Variants in TBC1D4 observed in about 807,000 individuals in gnomAD.
The protein encoded by TBC1D4 is TBC1 domain family member 4.
Under a neutral mutation model 142.5 loss-of-function variants are expected in TBC1D4, and 121 were observed. The ratio of observed to expected loss-of-function variants is 0.85; its 90% CI spans 0.73 to 0.99. TBC1D4 has a LOEUF of 0.99. Among genes scored for constraint, TBC1D4 ranks in the 50% least tolerant of loss-of-function variants. TBC1D4 has a pLI of 0.00. For missense variants in TBC1D4, 1,475 were observed against 1,606.6 expected (o/e 0.92, Z 1.40); for synonymous variants, 630 against 628.2 (o/e 1.00, Z -0.04).
chr13:75,401,676 T>C (rs1290638920), intron 1 of TBC1D4, among the ~76,000 whole-genome samples: 2 of 152,236 alleles, frequency 1.3e-5, no homozygotes, highest in Non-Finnish European at 2.9e-5. Context: ...AGGTTTATTC[T>C]CCAGATAATG....
chr13:75,409,271 T>G (rs949840220), intron 1 of TBC1D4, among the ~76,000 whole-genome samples: 1 of 152,178 alleles, frequency 6.6e-6, no homozygotes, highest in Admixed American at 6.5e-5. Context: ...AATTGGCAAA[T>G]TTTTCCTTTT....
At chr13:75,321,441 G>GTATATATA (rs57754032) in intron 11 of TBC1D4, among the ~76,000 whole-genome samples, 5 of 151,242 alleles carry the variant, frequency 3.3e-5, no homozygotes, top group Admixed American at 1.3e-4. Context: ...GCATATATAT[G>GTATATATA]TATATATATA....
chr13:75,476,863 A>G (rs761140446), intron 1 of TBC1D4, among the ~76,000 whole-genome samples: 2 of 152,212 alleles, frequency 1.3e-5, no homozygotes, highest in Non-Finnish European at 2.9e-5. Context: ...GGTCTCTTTT[A>G]AGAAGCCCTC....
intron 4 of TBC1D4, among the ~76,000 whole-genome samples, chr13:75,350,605 G>A (rs1881515776): frequency 6.6e-6 from 1 of 152,028 alleles, no homozygotes; most frequent in Admixed American, 6.6e-5. Context: ...CATTTGCCTT[G>A]TTAACGCATT....
chr13:75,319,931 A>G, intron 12 of TBC1D4, 83 bp downstream of exon 12: 1 of 1,495,768 alleles, frequency 6.7e-7, no homozygotes, highest in South Asian at 1.2e-5. Context: ...GACAAACAAA[A>G]CTGCTTTTTA....
chr13:75,389,978 T>C (rs1238083589), intron 1 of TBC1D4, among the ~76,000 whole-genome samples: 1 of 151,882 alleles, frequency 6.6e-6, no homozygotes, highest in Non-Finnish European at 1.5e-5. Context: ...AAATTTAAAA[T>C]GAAAAGGTCA....
rs1393850447 is a variant in TBC1D4 at position 75,294,946 on chromosome 13, T to C, written c.3224A>G (p.Glu1075Gly). Residue 1075 changes from glutamate (E) to glycine (G), a missense_variant, in exon 18 of 21, where the codon GAA becomes GGA. Glu to Gly is a moderately conservative substitution (Grantham distance 98). This residue lies in a region of TBC1D4 where 248 missense variants were observed against 338.9 expected (regional missense o/e 0.73). Coordinates refer to ENST00000377636, the MANE Select transcript of TBC1D4 (RefSeq NM_014832.5). ...YHRDLYNHLE[E>G]NEISPSLYAA... ...ATAAAGACTGGGGCTGATTTCATTT[T>C]CTTCAAGGTGATTGTAGAGATCTCT... The C allele has an allele frequency of 6.2e-7, 1 of 1,614,026 alleles. No individual in the cohort carries two copies. Among genetic ancestry groups the C allele is most frequent in the Admixed American group, 1.7e-5 (1 of 60,014 alleles).
rs181453550 is a variant in TBC1D4 at position 75,321,576 on chromosome 13, T to G, written c.2199-1539A>C. Among the ~76,000 whole-genome samples the G allele has an allele frequency of 1.9e-3, 297 of 152,324 alleles. 2 individuals are homozygous for G. The highest frequency in any genetic ancestry group is 0.01 in the Middle Eastern group (3 of 294). ...ACTTTAGTATAAATTTGAAATTGTT[T>G]CAAAATACAAATTAAAAATTCTCCA... On this transcript the variant is annotated intron_variant, in intron 11 of 20. Transcript: ENST00000377636.
chr13:75,475,496 A>G (rs1293746465), intron 1 of TBC1D4, among the ~76,000 whole-genome samples: 1 of 152,224 alleles, frequency 6.6e-6, no homozygotes, highest in Non-Finnish European at 1.5e-5. Context: ...GTTTGCAGTA[A>G]TTATTTAGGC....
chr13:75,376,326 T>C (rs1241408516), intron 1 of TBC1D4, among the ~76,000 whole-genome samples: 1 of 152,054 alleles, frequency 6.6e-6, no homozygotes, highest in African/African-American at 2.4e-5. Context: ...ACAGACATAC[T>C]GAAATTTATA....
rs1312626656 is a variant in TBC1D4 at position 75,302,399 on chromosome 13, C to T, written c.2755G>A (p.Val919Ile). ...EDIHTLLKEG[V>I]PKSRRGEIWQ... is the part of the protein sequence containing the mutation. Reference sequence around the variant, plus strand: ...ATTTCTCCTCGTCGACTTTTGGGAACTCCTACAATGAAGGAGATAAATAAC... The same window carrying T: ...ATTTCTCCTCGTCGACTTTTGGGAATTCCTACAATGAAGGAGATAAATAAC... The change falls in exon 16 of 21, where the codon GTT (valine) becomes ATT (isoleucine). Residue 919 changes from valine (V) to isoleucine (I), a missense_variant and splice_region_variant. Coordinates refer to ENST00000377636, the MANE Select transcript of TBC1D4 (RefSeq NM_014832.5). 6.2e-7 allele frequency: 1 copy of T among 1,614,136 alleles called. No individual in the cohort carries two copies. Among genetic ancestry groups the T allele is most frequent in the South Asian group, 1.1e-5 (1 of 91,086 alleles).
chr13:75,425,968 C>T (rs1386935376), intron 1 of TBC1D4, among the ~76,000 whole-genome samples: 1 of 152,078 alleles, frequency 6.6e-6, no homozygotes, highest in Middle Eastern at 3.2e-3. Context: ...TAAAGGTTCT[C>T]ACCACACAAA....
At position 75,306,353 on chromosome 13, in the gene TBC1D4, G is replaced by T; in HGVS notation, c.2712C>A (p.Ile904=). 6.2e-7 allele frequency: 1 copy of T among 1,612,614 alleles called. No individual in the cohort carries two copies. The highest frequency in any genetic ancestry group is 8.5e-7 in the Non-Finnish European group (1 of 1,179,712). The change falls in exon 15 of 21, where the codon ATC becomes ATA. Residue 904 remains isoleucine, a synonymous_variant. Transcript: ENST00000377636. ...DKKLLNCRAK[I]RCDMEDIHTL... ...TATGAATATCTTCCATATCACATCT[G>T]ATTTTAGCTCTGCAGTTTAACAACT...
chr13:75,307,343 T>C (rs1373718844), intron 14 of TBC1D4, among the ~76,000 whole-genome samples: 2 of 152,212 alleles, frequency 1.3e-5, no homozygotes, highest in Admixed American at 6.5e-5. Flanking sequence ...TAAAATAATA[T>C]AGAGTTCTCT....
chr13:75,367,325 G>T (rs564617195), intron 1 of TBC1D4, among the ~76,000 whole-genome samples: 3 of 151,820 alleles, frequency 2.0e-5, no homozygotes, highest in African/African-American at 4.8e-5. Flanking sequence ...TTATTCACAC[G>T]GTTCACTGAT....
intron 1 of TBC1D4, among the ~76,000 whole-genome samples, chr13:75,412,587 G>A (rs1240911607): frequency 3.3e-5 from 5 of 152,078 alleles, no homozygotes; most frequent in African/African-American, 7.2e-5. Flanking sequence ...TTACAGGTGT[G>A]AGCCACCATG....
chr13:75,445,153 C>T (rs892542197), intron 1 of TBC1D4, among the ~76,000 whole-genome samples: 14 of 152,220 alleles, frequency 9.2e-5, no homozygotes, highest in African/African-American at 3.4e-4. Context: ...AATAATATCA[C>T]GCAGACACCA....
At chr13:75,462,021 T>C (rs1593912678) in intron 1 of TBC1D4, among the ~76,000 whole-genome samples, 1 of 152,188 alleles carries the variant, frequency 6.6e-6, no homozygotes, top group Non-Finnish European at 1.5e-5. Flanking sequence ...CCTCAACCAA[T>C]ATTTGCTAAT....
At chr13:75,440,180 TAA>T (rs886958572) in intron 1 of TBC1D4, among the ~76,000 whole-genome samples, 7 of 152,194 alleles carry the variant, frequency 4.6e-5, no homozygotes, top group African/African-American at 1.7e-4. Context: ...AATAATGCGA[TAA>T]GTGTTATAAC....
Sources: allele counts gnomAD v4.1 joint callset (sites outside exome capture counted in the v4.1 genomes callset), GRCh38; gene constraint gnomAD v4.1.1; regional missense constraint gnomAD v4.1.1; transcripts MANE v1.5; gene names NCBI Gene and HGNC (gene_info 2026-07-23, HGNC 2026-07-21).